SMYD4: variants seen among roughly 807,000 people sequenced by gnomAD.
SMYD4 encodes the protein SET and MYND domain containing 4.
In SMYD4, 68 loss-of-function variants were observed where a neutral mutation model predicts 72.8. The observed-to-expected ratio is 0.93, with a 90% CI of 0.77 to 1.14. The LOEUF (loss-of-function observed/expected upper bound fraction) is 1.14, where lower values mean the gene tolerates loss of function less well. SMYD4 is among the 50% of genes most tolerant of loss of function. The probability of loss-of-function intolerance (pLI) is 0.00; values close to 1 mark genes in which losing one functional copy is unlikely to be tolerated. For missense variants in SMYD4, 984 were observed against 1,003.7 expected, an observed-to-expected ratio of 0.98 and a Z score of 0.27; for synonymous variants, 407 against 388.6, an observed-to-expected ratio of 1.05 and a Z score of -0.56.
chr17:1,790,850 G>C (rs1412232562), intron 5 of SMYD4, among the ~76,000 whole-genome samples: 1 of 151,666 alleles, frequency 6.6e-6, no homozygotes, highest in Non-Finnish European at 1.5e-5. Flanking sequence ...ATTCATGCCG[G>C]GCGCGGTGGC....
chr17:1,782,970 A>G, intron 10 of SMYD4, 65 bp downstream of exon 10: 1 of 1,552,354 alleles, frequency 6.4e-7, no homozygotes. Context: ...ATAGAAAAAA[A>G]GTAATACCCA....
At chr17:1,789,756 C>A (rs1436848190) in intron 5 of SMYD4, among the ~76,000 whole-genome samples, 1 of 27,484 alleles carries the variant, frequency 3.6e-5, no homozygotes. Flanking sequence ...AAGAGCGAGA[C>A]TCTGTCTCAA....
intron 5 of SMYD4, among the ~76,000 whole-genome samples, chr17:1,794,083 A>ATATATATG (rs1567770997): frequency 0.037 from 413 of 11,124 alleles, 33 homozygotes; most frequent in Middle Eastern, 0.12. Flanking sequence ...ATATATGTGT[A>ATATATATG]TATATATATA....
intron 5 of SMYD4, among the ~76,000 whole-genome samples, chr17:1,791,048 A>G (rs1313436284): frequency 7.0e-6 from 1 of 143,708 alleles, no homozygotes; most frequent in Non-Finnish European, 1.5e-5. Flanking sequence ...AACGGAGTGA[A>G]CCCGGGAGGT....
chr17:1,809,233 G>A (rs1015999903), intron 3 of SMYD4, among the ~76,000 whole-genome samples: 3 of 152,090 alleles, frequency 2.0e-5, no homozygotes, highest in African/African-American at 7.2e-5. Flanking sequence ...ACTGGTGCAA[G>A]AGATTGTCAT....
At chr17:1,811,358 G>A (rs191771491) in intron 3 of SMYD4, among the ~76,000 whole-genome samples, 126 of 152,218 alleles carry the variant, frequency 8.3e-4, no homozygotes, top group African/African-American at 2.6e-3. Flanking sequence ...AAAAAAATTT[G>A]TGTGTGTGGA....
chr17:1,789,764 C>CCAAAGAAAAAAAA (rs71150816), intron 5 of SMYD4, among the ~76,000 whole-genome samples: 1 of 90,098 alleles, frequency 1.1e-5, no homozygotes, highest in Non-Finnish European at 2.4e-5. Context: ...GACTCTGTCT[C>CCAAAGAAAAAAAA]AAAAAAAAAA....
At position 1,800,947 on chromosome 17, in the gene SMYD4, T is replaced by G. The variant is rs777147772; in HGVS notation, c.447A>C (p.Lys149Asn). The G allele has an allele frequency of 2.5e-6, 4 of 1,614,226 alleles. No homozygotes were observed. Among genetic ancestry groups the G allele is most frequent in the Non-Finnish European group, 3.4e-6 (4 of 1,180,032 alleles). The change falls in exon 5 of 11, where the codon AAA becomes AAC. Residue 149 changes from lysine (K) to asparagine (N), a missense_variant. By Grantham distance (94) the Lys-to-Asn change is moderately conservative (BLOSUM62 0). Transcript: ENST00000305513. The stretch of plus-strand genomic sequence containing the variant: ...TCCCCAGGGCCACCAGACATTCTGC[T>G]TTACGTAACATAATCTTGGGTTGCA... ...ERLQPKIMLRKAECLVALGRL... is the reference protein window; with the variant it reads ...ERLQPKIMLRNAECLVALGRL...
chr17:1,788,355 AAAAT>A (rs770648855), intron 5 of SMYD4, among the ~76,000 whole-genome samples: 21 of 152,092 alleles, frequency 1.4e-4, no homozygotes, highest in Non-Finnish European at 2.9e-4. Flanking sequence ...TGTCTGAAGA[AAAAT>A]AAATAAAAAT....
intron 4 of SMYD4, among the ~76,000 whole-genome samples, chr17:1,802,741 G>T (rs1387562910): frequency 1.3e-5 from 2 of 152,208 alleles, no homozygotes; most frequent in African/African-American, 2.4e-5. Flanking sequence ...TGTTGAAACA[G>T]ATGTATCAAA....
intron 5 of SMYD4, among the ~76,000 whole-genome samples, chr17:1,788,353 GAAA>G (rs972290950): frequency 5.3e-5 from 8 of 151,768 alleles, no homozygotes; most frequent in African/African-American, 1.9e-4. Context: ...CCTGTCTGAA[GAAA>G]AATAAATAAA....
chr17:1,810,036 C>A (rs1171301887), intron 3 of SMYD4, among the ~76,000 whole-genome samples: 2 of 151,918 alleles, frequency 1.3e-5, no homozygotes, highest in Admixed American at 6.6e-5. Flanking sequence ...CTTAAACAAT[C>A]CTCCTGCCTC....
chr17:1,812,961 C>CA (rs1675053270), intron 2 of SMYD4, among the ~76,000 whole-genome samples: 1 of 132,308 alleles, frequency 7.6e-6, no homozygotes, highest in Non-Finnish European at 1.6e-5. Context: ...TTTTTTGAGA[C>CA]AGAGTTTCGC....
chr17:1,794,019 A>ATATATG (rs1313572825), intron 5 of SMYD4, among the ~76,000 whole-genome samples: 1 of 68,280 alleles, frequency 1.5e-5, no homozygotes, highest in Non-Finnish European at 3.2e-5. Context: ...ATATATATAT[A>ATATATG]TGTGTGTATA....
chr17:1,819,298 A>G (rs972652872), intron 2 of SMYD4, among the ~76,000 whole-genome samples: 3 of 152,164 alleles, frequency 2.0e-5, no homozygotes, highest in Non-Finnish European at 2.9e-5. Context: ...CAGAGGTTGC[A>G]GTGAGCAGAG....
Position 1,779,652 on chromosome 17 carries a change from C to A in SMYD4, c.*1634G>T, listed in dbSNP as rs996965882. On this transcript the variant is annotated 3_prime_UTR_variant, in exon 11 of 11. Transcript: ENST00000305513. Reference sequence around the variant, plus strand: ...GACTGGAAAACTGGCAGGAAACACACTGACAGCCGTCATCCCTGGAGGAAA... The same window carrying A: ...GACTGGAAAACTGGCAGGAAACACAATGACAGCCGTCATCCCTGGAGGAAA... The A allele has an allele frequency of 2.6e-5, 4 of 152,242 alleles. No individual in the cohort carries two copies. Among genetic ancestry groups the A allele is most frequent in the African/African-American group, 4.8e-5 (2 of 41,458 alleles). 9.4% of individuals were successfully genotyped at this position (152,242 alleles called of 1,614,324 possible).
intron 2 of SMYD4, among the ~76,000 whole-genome samples, chr17:1,819,845 T>C (rs1056794484): frequency 2.0e-5 from 3 of 152,222 alleles, no homozygotes; most frequent in African/African-American, 4.8e-5. Flanking sequence ...TGGAGTGCAG[T>C]GGCACGATCC....
rs762059372 is a variant in SMYD4, at chr17:1,827,901, T to C, written c.94A>G (p.Thr32Ala). ...GAGTGAAGAAAGATATCCCTCAAGG[T>C]CTCTGCTGTAGAAATTGTGACCTGA... is the stretch of plus-strand genomic sequence containing the variant. ...SVQVTISTAE[T>A]LRDIFLHSSS... The change falls in exon 2 of 11, where the codon ACC (threonine) becomes GCC (alanine). Residue 32 changes from threonine to alanine, a missense_variant. Thr to Ala is a moderately conservative substitution (Grantham distance 58). Coordinates refer to ENST00000305513, the MANE Select transcript of SMYD4 (RefSeq NM_052928.3). 6.2e-7 allele frequency: 1 copy of C among 1,612,796 alleles called. No individual in the cohort carries two copies. The highest frequency in any genetic ancestry group is 1.7e-5 in the Admixed American group (1 of 59,990).
intron 3 of SMYD4, among the ~76,000 whole-genome samples, chr17:1,809,739 G>A (rs376574906): frequency 2.7e-5 from 4 of 148,956 alleles, no homozygotes; most frequent in Non-Finnish European, 4.4e-5. Flanking sequence ...GCGCGATCTC[G>A]GCTCACTGCA....
Sources: allele counts gnomAD v4.1 joint callset (sites outside exome capture counted in the v4.1 genomes callset), GRCh38; gene constraint gnomAD v4.1.1; transcripts MANE v1.5; gene names NCBI Gene and HGNC (gene_info 2026-07-23, HGNC 2026-07-21).